ANKRD45: variants seen among roughly 807,000 people sequenced by gnomAD.
ANKRD45 encodes ankyrin repeat domain-containing protein 45.
In ANKRD45, 21 loss-of-function variants were observed where a neutral mutation model predicts 28.1. The observed-to-expected ratio is 0.75, with a 90% confidence interval of 0.53 to 1.08. The LOEUF (loss-of-function observed/expected upper bound fraction) is 1.08. Ranked by LOEUF, ANKRD45 falls within the 50% of genes least tolerant of loss-of-function variation. ANKRD45 has a pLI of 0.00. For synonymous variants in ANKRD45, 86 were observed against 103.9 expected, an observed-to-expected ratio of 0.83 and a Z score of 1.05; for missense variants, 261 against 308.7, an observed-to-expected ratio of 0.85 and a Z score of 1.16.
the ANKRD45 span, among the ~76,000 whole-genome samples, chr1:173,685,908 G>C: frequency 6.6e-6 from 1 of 152,196 alleles, no homozygotes; most frequent in African/African-American, 2.4e-5. Context: ...GTTAGCGGGG[G>C]AGGGCTGTTC....
In ANKRD45 at chr1:173,624,816, G is replaced by A. The variant is rs776554790; in HGVS notation, c.701C>T (p.Thr234Ile). The change falls in exon 5 of 6, where the codon ACT becomes ATT. Residue 234 changes from threonine (T) to isoleucine (I), a missense_variant. Coordinates refer to ENST00000333279, the MANE Select transcript of ANKRD45 (RefSeq NM_198493.3). ...EQRQQLEDIVTPIFTKMTTPC... is the reference protein window; with the variant it reads ...EQRQQLEDIVIPIFTKMTTPC... ...TGTAGTCATTTTTGTGAAGATAGGA[G>A]TCACAATATCTTCCAGTTGTTGTCT... 3.7e-6 allele frequency: 6 copies of A among 1,613,644 alleles called. No individual in the cohort carries two copies. The highest frequency in any genetic ancestry group is 3.3e-4 in the Middle Eastern group (2 of 6,056).
chr1:173,644,470 C>T (rs1239908436), intron 3 of ANKRD45, among the ~76,000 whole-genome samples: 1 of 152,092 alleles, frequency 6.6e-6, no homozygotes, highest in African/African-American at 2.4e-5. Flanking sequence ...AAACACAATA[C>T]TAGTTTGCTT....
chr1:173,611,516 A>G (rs1274305018), intron 5 of ANKRD45, among the ~76,000 whole-genome samples: 1 of 151,576 alleles, frequency 6.6e-6, no homozygotes, highest in Non-Finnish European at 1.5e-5. Flanking sequence ...TAAAAATCTT[A>G]GGTACTGATT....
intron 5 of ANKRD45, among the ~76,000 whole-genome samples, chr1:173,619,365 C>T (rs1667603651): frequency 6.6e-6 from 1 of 152,066 alleles, no homozygotes; most frequent in Non-Finnish European, 1.5e-5. Flanking sequence ...AGATCCAAGA[C>T]CCATCAGTAT....
intron 3 of ANKRD45, among the ~76,000 whole-genome samples, chr1:173,638,424 G>A (rs1428925671): frequency 6.6e-6 from 1 of 152,094 alleles, no homozygotes; most frequent in Admixed American, 6.5e-5. Context: ...TCCAAAGGAA[G>A]GAAGGGCAAG....
chr1:173,652,730 CT>C (rs1398661972), intron 2 of ANKRD45, among the ~76,000 whole-genome samples: 2 of 152,130 alleles, frequency 1.3e-5, no homozygotes, highest in South Asian at 2.1e-4. Context: ...TGCTCCTAGA[CT>C]TTTTTTGGTT....
chr1:173,627,015 G>T, intron 4 of ANKRD45, 50 bp downstream of exon 4: 2 of 1,370,258 alleles, frequency 1.5e-6, no homozygotes, highest in Non-Finnish European at 2.0e-6. Context: ...TAAAATGTAA[G>T]ACAAAATTCT....
intron 3 of ANKRD45, among the ~76,000 whole-genome samples, chr1:173,638,897 C>A (rs1317509249): frequency 6.6e-6 from 1 of 152,104 alleles, no homozygotes; most frequent in Non-Finnish European, 1.5e-5. Flanking sequence ...AAAAGTCAGG[C>A]CAGATCTAGG....
the ANKRD45 span, among the ~76,000 whole-genome samples, chr1:173,710,752 C>T: frequency 2.0e-5 from 3 of 152,166 alleles, no homozygotes; most frequent in Admixed American, 2.0e-4. Flanking sequence ...TGGGAAACTG[C>T]CTTTCCCTGG....
At chr1:173,627,325 A>G (rs1350860814) in intron 3 of ANKRD45, among the ~76,000 whole-genome samples, 166 bp from the exon 4 acceptor site, 3 of 152,228 alleles carry the variant, frequency 2.0e-5, no homozygotes, top group African/African-American at 7.2e-5. Flanking sequence ...CAGGTAAGCA[A>G]TCACAGTAGC....
chr1:173,622,994 C>T (rs1400002935), intron 5 of ANKRD45, among the ~76,000 whole-genome samples: 2 of 151,562 alleles, frequency 1.3e-5, no homozygotes, highest in East Asian at 1.9e-4. Context: ...GCAAAAGACA[C>T]GAACAGACAC....
the ANKRD45 span, among the ~76,000 whole-genome samples, chr1:173,688,538 C>T: frequency 6.9e-6 from 1 of 144,946 alleles, no homozygotes; most frequent in Non-Finnish European, 1.5e-5. Context: ...CTCTCTCTCC[C>T]TCTCTCTCCC....
the ANKRD45 span, among the ~76,000 whole-genome samples, chr1:173,688,276 T>C: frequency 6.6e-6 from 1 of 152,152 alleles, no homozygotes; most frequent in South Asian, 2.1e-4. Context: ...CACTGTTTTT[T>C]CTTTACTACA....
At chr1:173,665,011 A>T (rs1024005757) in intron 1 of ANKRD45, among the ~76,000 whole-genome samples, 6 of 152,334 alleles carry the variant, frequency 3.9e-5, no homozygotes, top group South Asian at 2.1e-4. Context: ...TAAGAATTAA[A>T]ATAAATTAGG....
At chr1:173,674,377 C>T (rs1016040973), upstream of ANKRD45, among the ~76,000 whole-genome samples, 2 of 151,868 alleles carry the variant, frequency 1.3e-5, no homozygotes, top group Non-Finnish European at 1.5e-5. Context: ...ATTCACCATG[C>T]TTTTGTGAAC....
chr1:173,612,260 AAAG>A (rs777832959), intron 5 of ANKRD45, among the ~76,000 whole-genome samples: 1 of 147,744 alleles, frequency 6.8e-6, no homozygotes, highest in African/African-American at 2.6e-5. Context: ...GAAAGAAAGA[AAAG>A]AAAGAGAGAG....
chr1:173,642,350 C>T (rs1458638898), intron 3 of ANKRD45, among the ~76,000 whole-genome samples: 7 of 152,068 alleles, frequency 4.6e-5, no homozygotes, highest in African/African-American at 1.7e-4. Flanking sequence ...TTTTCTTCAC[C>T]CTATTCAGAA....
intron 2 of ANKRD45, among the ~76,000 whole-genome samples, chr1:173,655,647 G>A (rs527897665): frequency 1.9e-4 from 29 of 152,322 alleles, no homozygotes; most frequent in African/African-American, 4.6e-4. Context: ...CCTGTCAGAC[G>A]GGACATTTAA....
At position 173,669,574 on chromosome 1, in the gene ANKRD45, G is replaced by A. The variant is rs999768129; in HGVS notation, c.-16+243C>T. ...CGCGAGGGGGCAACGGACACTTCAG[G>A]GCACCAGAGTTTGCTCTTCGGCCTG... is the stretch of plus-strand genomic sequence containing the variant. On this transcript the variant is annotated intron_variant, in intron 1 of 5. Transcript: ENST00000333279. The A allele has an allele frequency of 9.2e-6, 4 of 435,376 alleles. No individual in the cohort carries two copies. In the East Asian group the frequency reaches 2.8e-4, roughly 31 times the overall value. 27.0% of individuals were successfully genotyped at this position (435,376 alleles called of 1,614,324 possible).
Sources: allele counts gnomAD v4.1 joint callset (sites outside exome capture counted in the v4.1 genomes callset), GRCh38; gene constraint gnomAD v4.1.1; transcripts MANE v1.5; gene names NCBI Gene and HGNC (gene_info 2026-07-23, HGNC 2026-07-21).